Variants in NELL1 observed in about 807,000 individuals in gnomAD.
NELL1 encodes neural EGFL like 1, also known as protein kinase C-binding protein NELL1.
NELL1 carries 76 observed loss-of-function variants against 107.4 expected under a neutral mutation model. The observed-to-expected ratio is 0.71, with a 90% CI of 0.59 to 0.86. The LOEUF (loss-of-function observed/expected upper bound fraction) is 0.86, where lower values mean the gene tolerates loss of function less well. Ranked by LOEUF, NELL1 falls within the 40% of genes least tolerant of loss-of-function variation. NELL1 has a pLI of 0.00. For synonymous variants in NELL1, 353 were observed against 341.2 expected (o/e 1.03, Z -0.38); for missense variants, 1,024 against 1,005.5 (o/e 1.02, Z -0.25).
chr11:21,282,553 G>T (rs1366309880), intron 14 of NELL1, among the ~76,000 whole-genome samples: 5 of 151,710 alleles, frequency 3.3e-5, no homozygotes, highest in Non-Finnish European at 5.9e-5. Context: ...AGAGAAAAGG[G>T]AACACCCAAC....
intron 12 of NELL1, among the ~76,000 whole-genome samples, chr11:21,098,516 A>G (rs1854711781): frequency 6.6e-6 from 1 of 152,132 alleles, no homozygotes; most frequent in East Asian, 1.9e-4. Flanking sequence ...TCACCCTCAG[A>G]AACTCATAGT....
At chr11:20,749,253 G>T (rs959200333) in intron 2 of NELL1, among the ~76,000 whole-genome samples, 10 of 152,010 alleles carry the variant, frequency 6.6e-5, no homozygotes, top group Non-Finnish European at 1.2e-4. Flanking sequence ...TTACTAGCAC[G>T]TTTTGTAAAA....
At chr11:21,405,539 G>C (rs1408624381) in intron 15 of NELL1, among the ~76,000 whole-genome samples, 1 of 152,002 alleles carries the variant, frequency 6.6e-6, no homozygotes, top group Non-Finnish European at 1.5e-5. Context: ...TGGGCCATAA[G>C]AAAGTTGGCC....
At chr11:21,003,085 G>A (rs1295665832) in intron 12 of NELL1, among the ~76,000 whole-genome samples, 5 of 152,072 alleles carry the variant, frequency 3.3e-5, no homozygotes, top group East Asian at 3.9e-4. Context: ...AATTGAATAA[G>A]CATTTTCTAT....
chr11:20,835,261 T>A (rs536938219), intron 3 of NELL1, among the ~76,000 whole-genome samples: 25 of 152,340 alleles, frequency 1.6e-4, no homozygotes, highest in African/African-American at 5.3e-4. Context: ...TTTCCGTAAG[T>A]TTTTATTTTA....
chr11:21,323,732 T>A (rs1017149583), intron 14 of NELL1, among the ~76,000 whole-genome samples: 1 of 152,154 alleles, frequency 6.6e-6, no homozygotes, highest in Non-Finnish European at 1.5e-5. Context: ...CAACACTTTT[T>A]ACCATCTGAA....
chr11:21,085,081 A>T (rs1044005659), intron 12 of NELL1, among the ~76,000 whole-genome samples: 1 of 152,196 alleles, frequency 6.6e-6, no homozygotes, highest in African/African-American at 2.4e-5. Flanking sequence ...TGGCACCTAA[A>T]ATTAAATAAA....
chr11:20,770,131 AG>A (rs553099482), intron 2 of NELL1, among the ~76,000 whole-genome samples: 47 of 152,222 alleles, frequency 3.1e-4, no homozygotes, highest in Non-Finnish European at 5.3e-4. Flanking sequence ...CTTTTAAAAA[AG>A]CTTCAGTAAA....
chr11:21,158,200 C>A (rs1157882210), intron 13 of NELL1, among the ~76,000 whole-genome samples: 1 of 152,148 alleles, frequency 6.6e-6, no homozygotes, highest in African/African-American at 2.4e-5. Flanking sequence ...TAGCCAGGGC[C>A]TCTTGGGCCT....
chr11:21,167,164 A>G (rs1005397414), intron 13 of NELL1, among the ~76,000 whole-genome samples: 4 of 151,814 alleles, frequency 2.6e-5, no homozygotes, highest in African/African-American at 9.7e-5. Context: ...TTATTTTTCT[A>G]CATGTATTGG....
chr11:20,959,784 C>T (rs1851253026), intron 11 of NELL1, among the ~76,000 whole-genome samples: 1 of 152,184 alleles, frequency 6.6e-6, no homozygotes, highest in South Asian at 2.1e-4. Context: ...TGTAACAAGA[C>T]ACCACCTGTT....
intron 15 of NELL1, among the ~76,000 whole-genome samples, chr11:21,447,762 AC>A (rs1853470688): frequency 1.3e-5 from 2 of 151,656 alleles, no homozygotes; most frequent in South Asian, 4.2e-4. Flanking sequence ...GAGGTTGCAT[AC>A]CCCCCAAGTC....
At chr11:21,320,705 T>C (rs1419554839) in intron 14 of NELL1, among the ~76,000 whole-genome samples, 3 of 152,204 alleles carry the variant, frequency 2.0e-5, no homozygotes, top group African/African-American at 7.2e-5. Flanking sequence ...TTGGTTCCAT[T>C]TGGTCTCATT....
chr11:21,486,223 C>G (rs1043150087), intron 15 of NELL1, among the ~76,000 whole-genome samples: 3 of 152,146 alleles, frequency 2.0e-5, no homozygotes, highest in Admixed American at 1.3e-4. Context: ...CTCTGGAGCT[C>G]ACAGACAGGC....
chr11:21,001,971 G>A (rs768432618), intron 12 of NELL1, among the ~76,000 whole-genome samples: 4 of 152,152 alleles, frequency 2.6e-5, no homozygotes, highest in Non-Finnish European at 4.4e-5. Context: ...TGGGCAAAAT[G>A]GCCCAGCCTT....
At chr11:20,823,306 C>T (rs327023) in intron 3 of NELL1, among the ~76,000 whole-genome samples, 145,290 of 151,042 alleles carry the variant, frequency 0.96, 70,153 homozygotes, top group East Asian at 1. Flanking sequence ...AGACTTATAT[C>T]TACCACCACT....
chr11:20,801,240 T>A (rs1459563852), intron 3 of NELL1, among the ~76,000 whole-genome samples: 1 of 152,198 alleles, frequency 6.6e-6, no homozygotes, highest in Non-Finnish European at 1.5e-5. Context: ...GCTTGTTTTT[T>A]AAAAAATACG....
At chr11:21,534,323 G>C (rs1357631898) in intron 15 of NELL1, 51 bp from the exon 16 acceptor site, 3 of 1,608,596 alleles carry the variant, frequency 1.9e-6, no homozygotes, top group Non-Finnish European at 2.6e-6. Flanking sequence ...TGAAAGGTTA[G>C]TGTCAAAAGA....
chr11:20,988,645 C>T (rs1360354834), intron 12 of NELL1, among the ~76,000 whole-genome samples: 1 of 151,420 alleles, frequency 6.6e-6, no homozygotes, highest in African/African-American at 2.4e-5. Context: ...GGCTGGAGTG[C>T]AGTGGCATGA....
Sources: gnomAD v4.1 joint callset for allele counts (sites outside exome capture counted in the v4.1 genomes callset) on GRCh38, gnomAD v4.1.1 for gene constraint, MANE v1.5 for transcripts, NCBI Gene and HGNC (gene_info 2026-07-23, HGNC 2026-07-21) for gene names.